Variants in CFAP20DC observed in about 807,000 individuals in gnomAD.
The protein encoded by CFAP20DC is protein CFAP20DC.
CFAP20DC carries 84 observed loss-of-function variants against 101.7 expected under a neutral mutation model. The observed-to-expected ratio is 0.83, with a 90% CI of 0.69 to 0.99. The LOEUF (loss-of-function observed/expected upper bound fraction) is 0.99. Among genes scored for constraint, CFAP20DC ranks in the 50% least tolerant of loss-of-function variants. CFAP20DC has a pLI of 0.00. For synonymous variants in CFAP20DC, 359 were observed against 351.2 expected (o/e 1.02, Z -0.25); for missense variants, 1,007 against 970.3 (o/e 1.04, Z -0.50).
chr3:58,849,519 A>T (rs1057003591), intron 12 of CFAP20DC, 110 bp from the exon 13 acceptor site: 2 of 809,542 alleles, frequency 2.5e-6, no homozygotes, highest in Non-Finnish European at 3.7e-6. Context: ...AAGCAAAAGC[A>T]TCTATATATA....
intron 14 of CFAP20DC, among the ~76,000 whole-genome samples, chr3:58,815,217 A>T (rs1458959873): frequency 6.6e-6 from 1 of 151,702 alleles, no homozygotes; most frequent in Non-Finnish European, 1.5e-5. Flanking sequence ...ATCTACAACT[A>T]TCTAATCTTT....
chr3:58,850,674 A>G (rs1413800471), intron 12 of CFAP20DC, among the ~76,000 whole-genome samples: 1 of 151,546 alleles, frequency 6.6e-6, no homozygotes, highest in African/African-American at 2.4e-5. Context: ...GAAATGATAA[A>G]CTTAGAATAG....
intron 6 of CFAP20DC, among the ~76,000 whole-genome samples, chr3:58,906,307 T>C (rs1301841986): frequency 6.6e-6 from 1 of 152,216 alleles, no homozygotes; most frequent in Non-Finnish European, 1.5e-5. Context: ...TGTCCTATAC[T>C]ATGTTATCCT....
At position 59,033,150 on chromosome 3, in the gene CFAP20DC, T is replaced by C. The variant is rs180896999; in HGVS notation, c.278+6407A>G. Among the ~76,000 whole-genome samples, 120 of 152,098 alleles carry C rather than the reference T, an allele frequency of 7.9e-4. 1 individual carries two copies. In the East Asian group the frequency reaches 0.02, roughly 25 times the overall value. On this transcript the variant is annotated intron_variant, in intron 4 of 16. Coordinates refer to ENST00000482387, the MANE Select transcript of CFAP20DC (RefSeq NM_001394063.1). ...AACTAACAAGCAGAAAGGAATAGTA[T>C]CAACATCAACAAAAAGGATGTCCAC...
At chr3:58,833,047 C>T (rs1300922655) in intron 13 of CFAP20DC, among the ~76,000 whole-genome samples, 1 of 152,102 alleles carries the variant, frequency 6.6e-6, no homozygotes, top group Non-Finnish European at 1.5e-5. Context: ...GGAGGACTCT[C>T]TGGCTTCTTT....
chr3:59,008,522 T>C (rs1009717461), intron 4 of CFAP20DC, among the ~76,000 whole-genome samples: 3 of 152,168 alleles, frequency 2.0e-5, no homozygotes, highest in African/African-American at 7.2e-5. Context: ...TGGAATACTA[T>C]GCAGCCATAA....
At chr3:58,723,642 T>G (rs983480191) in intron 3 of CFAP20DC, among the ~76,000 whole-genome samples, 2 of 152,234 alleles carry the variant, frequency 1.3e-5, no homozygotes, top group African/African-American at 2.4e-5. Flanking sequence ...CAGATTGTGG[T>G]GACAGGCAGG....
intron 5 of CFAP20DC, among the ~76,000 whole-genome samples, chr3:58,917,566 T>C (rs1040192980): frequency 2.0e-5 from 3 of 152,176 alleles, no homozygotes; most frequent in African/African-American, 4.8e-5. Flanking sequence ...CTCATTCTGT[T>C]TTCTCACTCC....
chr3:59,019,129 T>C (rs1023024205), intron 4 of CFAP20DC: 2 of 152,126 alleles, frequency 1.3e-5, no homozygotes, highest in Non-Finnish European at 2.9e-5. Flanking sequence ...CCCTATAACT[T>C]GTCTCAAACC....
At chr3:58,910,808 C>T (rs1197157475) in intron 6 of CFAP20DC, among the ~76,000 whole-genome samples, 1 of 151,814 alleles carries the variant, frequency 6.6e-6, no homozygotes, top group African/African-American at 2.4e-5. Context: ...TTTATATCTT[C>T]AGAGGAAGAA....
intron 15 of CFAP20DC, among the ~76,000 whole-genome samples, chr3:58,784,907 G>A (rs541102301): frequency 4.6e-5 from 7 of 152,120 alleles, no homozygotes; most frequent in African/African-American, 1.2e-4. Flanking sequence ...ACTACCATTC[G>A]ATCCAGCAAT....
At chr3:58,794,774 A>T (rs879684746) in intron 15 of CFAP20DC, among the ~76,000 whole-genome samples, 1 of 152,134 alleles carries the variant, frequency 6.6e-6, no homozygotes, top group Non-Finnish European at 1.5e-5. Flanking sequence ...CTGCCTAATG[A>T]CATGCAGTGT....
At chr3:58,853,199 C>T (rs1179750080) in intron 12 of CFAP20DC, among the ~76,000 whole-genome samples, 4 of 152,116 alleles carry the variant, frequency 2.6e-5, no homozygotes, top group East Asian at 1.9e-4. Flanking sequence ...GAGAATACTA[C>T]AAACACCTCT....
intron 15 of CFAP20DC, among the ~76,000 whole-genome samples, chr3:58,791,856 C>A (rs1369056324): frequency 6.6e-6 from 1 of 152,128 alleles, no homozygotes; most frequent in African/African-American, 2.4e-5. Flanking sequence ...TTCACACCTA[C>A]AATGTAAATG....
chr3:58,892,746 G>A lies in CFAP20DC; in HGVS notation c.551-8037C>T, dbSNP rs893937103. ...AAAAGCTTTAGGCTGAGATGATGCG[G>A]TTTTCTAGATATAGGATCATGTCAT... On this transcript the variant is annotated intron_variant, in intron 6 of 16. Coordinates refer to ENST00000482387, the MANE Select transcript of CFAP20DC (RefSeq NM_001394063.1). The surrounding 1 kb of genome is among the most constrained non-coding windows in gnomAD (Gnocchi z 4.0). Among the ~76,000 whole-genome samples, 6 of 152,192 alleles carry A rather than the reference G, an allele frequency of 3.9e-5. No homozygotes were observed. Among genetic ancestry groups the A allele is most frequent in the African/African-American group, 1.2e-4 (5 of 41,458 alleles).
chr3:58,746,125 G>A (rs566735059), intron 16 of CFAP20DC, among the ~76,000 whole-genome samples: 7 of 152,228 alleles, frequency 4.6e-5, no homozygotes, highest in African/African-American at 1.7e-4. Flanking sequence ...GAAAGAAACA[G>A]AAAGACCCCC....
chr3:58,960,518 T>A (rs543590312), intron 4 of CFAP20DC, among the ~76,000 whole-genome samples: 3 of 152,098 alleles, frequency 2.0e-5, no homozygotes, highest in African/African-American at 7.2e-5. Context: ...ATTCCTATTT[T>A]ATTTTTTTGA....
chr3:58,786,789 A>G lies in CFAP20DC; in HGVS notation c.2237+19606T>C, dbSNP rs192264374. 1.4e-3 allele frequency among the ~76,000 whole-genome samples: 213 copies of G among 148,370 alleles called. 2 individuals are homozygous for G. Among genetic ancestry groups the G allele is most frequent in the East Asian group, 0.012 (55 of 4,524 alleles). On this transcript the variant is annotated intron_variant, in intron 15 of 16. Transcript: ENST00000482387. ...CCCGACTTAATAAGGAAAGAAAAAAATCATATACTGAGGTTGCTAAGATCT... is the reference window on the plus strand; with the variant it reads ...CCCGACTTAATAAGGAAAGAAAAAAGTCATATACTGAGGTTGCTAAGATCT...
At chr3:58,948,332 C>A (rs1458539913) in intron 4 of CFAP20DC, among the ~76,000 whole-genome samples, 3 of 152,304 alleles carry the variant, frequency 2.0e-5, no homozygotes, top group Middle Eastern at 3.4e-3. Context: ...GTTGAAATGC[C>A]AGCTCCTCCC....
Sources: allele counts gnomAD v4.1 joint callset (sites outside exome capture counted in the v4.1 genomes callset), GRCh38; gene constraint gnomAD v4.1.1; non-coding constraint Gnocchi (gnomAD v3.1); transcripts MANE v1.5; gene names NCBI Gene and HGNC (gene_info 2026-07-23, HGNC 2026-07-21).